Variants in CALB2 observed in about 807,000 individuals in gnomAD.
CALB2 encodes calretinin.
CALB2 carries 34 observed loss-of-function variants against 45.9 expected under a neutral mutation model. That is an observed-to-expected ratio of 0.74 (90% CI 0.56 to 0.99). The LOEUF is 0.99. Among genes scored for constraint, CALB2 ranks in the 50% least tolerant of loss-of-function variants. CALB2 has a pLI of 0.00. For missense variants in CALB2, 344 were observed against 339.3 expected (o/e 1.01, Z -0.11); for synonymous variants, 142 against 129.6 (o/e 1.10, Z -0.65).
At position 71,389,701 on chromosome 16, in the gene CALB2, C is replaced by G. The variant is rs200854151; in HGVS notation, c.700-48C>G. 47 of 1,382,314 alleles carry G rather than the reference C, an allele frequency of 3.4e-5. No individual in the cohort carries two copies. In the Middle Eastern group the frequency reaches 7.1e-4, roughly 21 times the overall value. The allele number at this position is 1,382,314 out of a possible 1,614,324, so 85.6% of individuals were successfully genotyped here. ...GAATGTGGACGTGGGCTCCTTGCGT[C>G]GGGACCATCCCCTGAACCTGCTCTT... On this transcript the variant is annotated intron_variant, in intron 10 of 10. Transcript: ENST00000302628.
At chr16:71,385,792 C>A in intron 10 of CALB2, 144 bp downstream of exon 10, 2 of 611,424 alleles carry the variant, frequency 3.3e-6, no homozygotes, top group South Asian at 4.9e-5. Context: ...TGTGGGTTTG[C>A]TTTTGGTTTT....
chr16:71,367,560 C>T (rs2042302702), intron 1 of CALB2, among the ~76,000 whole-genome samples: 1 of 152,112 alleles, frequency 6.6e-6, no homozygotes, highest in South Asian at 2.1e-4. Context: ...AGTGTCCCTT[C>T]TGGGCCCTGC....
Position 71,383,455 on chromosome 16 carries a change from A to T in CALB2, c.477+11A>T, listed in dbSNP as rs1049997903. 1 of 1,613,302 alleles carries T rather than the reference A, an allele frequency of 6.2e-7. No homozygotes were observed. The highest frequency in any genetic ancestry group is 1.3e-5 in the African/African-American group (1 of 74,906). ...TACACCCAAACCATAGTGAGTGAAC[A>T]GAAGTGTCCCTCTCCCCCAGGGTGC... On this transcript the variant is annotated intron_variant, in intron 6 of 10. Coordinates refer to ENST00000302628, the MANE Select transcript of CALB2 (RefSeq NM_001740.5).
Position 71,358,730 on chromosome 16 carries a change from G to A in CALB2, c.-63G>A. The A allele has an allele frequency of 3.8e-6, 5 of 1,329,134 alleles. No homozygotes were observed. The highest frequency in any genetic ancestry group is 5.3e-6 in the Non-Finnish European group (5 of 950,372). 82.3% of individuals were successfully genotyped at this position (1,329,134 alleles called of 1,614,324 possible). A position where few individuals can be genotyped will look rare whatever the true frequency, so the allele number is the denominator to read the frequency against. On this transcript the variant is annotated 5_prime_UTR_variant, in exon 1 of 11. The change creates a new upstream start codon in the 5' untranslated region. Transcript: ENST00000302628. ...AGCGTGGCGCACAACCCCAGCGCGA[G>A]TGCCAGAGCCCAGCCGGCGCGGAGC...
intron 1 of CALB2, among the ~76,000 whole-genome samples, chr16:71,360,059 C>A: frequency 6.6e-6 from 1 of 152,356 alleles, no homozygotes; most frequent in Middle Eastern, 3.4e-3. Flanking sequence ...GTCATTCAGG[C>A]CCCTGTCCCA....
chr16:71,375,074 G>A (rs771801316), intron 3 of CALB2, among the ~76,000 whole-genome samples: 1 of 152,200 alleles, frequency 6.6e-6, no homozygotes, highest in Non-Finnish European at 1.5e-5. Context: ...TGCCCACAGG[G>A]GCCAACAGGT....
intron 3 of CALB2, among the ~76,000 whole-genome samples, chr16:71,376,548 ACCACACACAC>A (rs2042415035): frequency 6.6e-6 from 1 of 151,828 alleles, no homozygotes; most frequent in South Asian, 2.1e-4. Context: ...TCCACATTCA[ACCACACACAC>A]CCACATACAT....
intron 8 of CALB2, 29 bp downstream of exon 8, chr16:71,384,407 T>C: frequency 6.4e-7 from 1 of 1,572,360 alleles, no homozygotes; most frequent in Non-Finnish European, 8.7e-7. Context: ...TCCTTCCCCC[T>C]TCCCTCATCC....
rs1350094710 is a variant in CALB2 at position 71,377,756 on chromosome 16, A to G, written c.342+9A>G. The G allele has an allele frequency of 1.9e-6, 3 of 1,604,256 alleles. No homozygotes were observed. The highest frequency in any genetic ancestry group is 1.7e-4 in the Middle Eastern group (1 of 6,048). On this transcript the variant is annotated intron_variant, in intron 4 of 10. Coordinates refer to ENST00000302628, the MANE Select transcript of CALB2 (RefSeq NM_001740.5). ...GCGCCGAGTTTATGGAGGTGAGGCC[A>G]AGGCACCACCTTCTTTCTAAGCACT...
chr16:71,385,522 G>A, intron 9 of CALB2, 55 bp from the exon 10 acceptor site: 1 of 1,537,182 alleles, frequency 6.5e-7, no homozygotes, highest in Non-Finnish European at 9.0e-7. Flanking sequence ...GAATGGGTCG[G>A]GACAGCAGGG....
At chr16:71,360,538 C>T (rs997077320) in intron 1 of CALB2, among the ~76,000 whole-genome samples, 20 of 152,192 alleles carry the variant, frequency 1.3e-4, no homozygotes, top group Admixed American at 2.0e-4. Context: ...AGGCTCCTGC[C>T]AGTTTATCTG....
chr16:71,368,147 A>C (rs1035102344), intron 1 of CALB2, among the ~76,000 whole-genome samples: 1 of 152,062 alleles, frequency 6.6e-6, no homozygotes, highest in Non-Finnish European at 1.5e-5. Context: ...CCCACACCCC[A>C]TTACAGCATA....
At chr16:71,372,043 C>A in intron 1 of CALB2, 110 bp from the exon 2 acceptor site, 1 of 794,362 alleles carries the variant, frequency 1.3e-6, no homozygotes, top group Non-Finnish European at 2.2e-6. Context: ...TAGACACCTG[C>A]CTGTTGGCCA....
At chr16:71,382,358 G>A (rs145939716) in intron 4 of CALB2, among the ~76,000 whole-genome samples, 1 of 152,318 alleles carries the variant, frequency 6.6e-6, no homozygotes, top group East Asian at 1.9e-4. Context: ...AGGGAAGTCA[G>A]AGCAGTTGTA....
chr16:71,380,292 C>CTTTTTTTT lies in CALB2; in HGVS notation c.343-2399_343-2392dup, dbSNP rs544138378. 1.0e-3 allele frequency among the ~76,000 whole-genome samples: 45 copies of CTTTTTTTT among 43,810 alleles called. 1 individual carries two copies. The highest frequency in any genetic ancestry group is 2.2e-3 in the African/African-American group (27 of 12,138). The allele number at this position is 43,810 out of a possible 152,430, so 28.7% of individuals were successfully genotyped here. A position where few individuals can be genotyped will look rare whatever the true frequency, so the allele number is the denominator to read the frequency against. ...CTTTCTTTCTTCTTTCCTTCCTTTT[C>CTTTTTTTT]TTTTTTTTTTTTTTTTTTTTTTTTT... On this transcript the variant is annotated intron_variant, in intron 4 of 10. Coordinates refer to ENST00000302628, the MANE Select transcript of CALB2 (RefSeq NM_001740.5).
chr16:71,370,386 C>T (rs886987003), intron 1 of CALB2, among the ~76,000 whole-genome samples: 4 of 152,064 alleles, frequency 2.6e-5, no homozygotes, highest in African/African-American at 9.7e-5. Context: ...ATCTCCTCTA[C>T]GGGAATCTTG....
chr16:71,358,880 G>A lies in CALB2; in HGVS notation c.88G>A (p.Ala30Thr). ...QFLEIWKHFD[A>T]DGNGYIEGKE... ...CCTGGAAATATGGAAGCACTTTGAC[G>A]CAGACGGTCAGTAAAGCTCCCAACT... Residue 30 changes from alanine (A) to threonine (T), a missense_variant, in exon 1 of 11, where the codon GCA becomes ACA. Ala to Thr is a moderately conservative substitution (Grantham distance 58, BLOSUM62 0). Transcript: ENST00000302628. The A allele has an allele frequency of 6.2e-7, 1 of 1,612,786 alleles. No homozygotes were observed. Among genetic ancestry groups the A allele is most frequent in the South Asian group, 1.1e-5 (1 of 90,758 alleles).
rs889224602 is a variant in CALB2, at chr16:71,372,087, C to A, written c.95-66C>A. On this transcript the variant is annotated intron_variant, in intron 1 of 10. Transcript: ENST00000302628. ...AAGACATTCTCCACGAAGCCCCCGA[C>A]ATGCCCACCCCGTGCCCCCCTTACT... 6.3e-6 allele frequency: 7 copies of A among 1,111,650 alleles called. No homozygotes were observed. The African/African-American group carries it at 1.1e-4, about 17-fold the overall frequency. 68.9% of individuals were successfully genotyped at this position (1,111,650 alleles called of 1,614,324 possible). A position where few individuals can be genotyped will look rare whatever the true frequency, so the allele number is the denominator to read the frequency against.
rs79651602 is a variant in CALB2, at chr16:71,375,893, G to A, written c.261+1059G>A. On this transcript the variant is annotated intron_variant, in intron 3 of 10. Transcript: ENST00000302628. ...TGCAGGCTGCCCCTCTTTGGGCAAG[G>A]AGGGGACCTGTGGAACTTCCCCAGC... Among the ~76,000 whole-genome samples, 1,156 of 152,360 alleles carry A rather than the reference G, an allele frequency of 7.6e-3. 10 individuals are homozygous for A. The highest frequency in any genetic ancestry group is 0.026 in the African/African-American group (1,079 of 41,582).
Sources: gnomAD v4.1 joint callset for allele counts (sites outside exome capture counted in the v4.1 genomes callset) on GRCh38, gnomAD v4.1.1 for gene constraint, MANE v1.5 for transcripts, NCBI Gene and HGNC (gene_info 2026-07-23, HGNC 2026-07-21) for gene names.